Variants in FHIP1A observed in about 807,000 individuals in gnomAD.
FHIP1A encodes the protein FHF complex subunit HOOK interacting protein 1A.
FHIP1A carries 61 observed loss-of-function variants against 88.6 expected under a neutral mutation model. That is an observed-to-expected ratio of 0.69 (90% confidence interval 0.56 to 0.85). FHIP1A has a LOEUF of 0.85. Ranked by LOEUF, FHIP1A falls within the 40% of genes least tolerant of loss-of-function variation. FHIP1A has a pLI of 0.00. For synonymous variants in FHIP1A, 478 were observed against 496.0 expected, an observed-to-expected ratio of 0.96 and a Z score of 0.48; for missense variants, 1,154 against 1,273.5, an observed-to-expected ratio of 0.91 and a Z score of 1.43.
At chr4:151,549,205 C>A (rs1732626125) in intron 3 of FHIP1A, among the ~76,000 whole-genome samples, 1 of 152,018 alleles carries the variant, frequency 6.6e-6, no homozygotes, top group Admixed American at 6.6e-5. Context: ...AGCAGGTAAT[C>A]AGGGGAACAG....
intron 8 of FHIP1A, 99 bp from the exon 9 acceptor site, chr4:151,638,578 A>AAT: frequency 1.6e-6 from 1 of 631,952 alleles, no homozygotes; most frequent in Non-Finnish European, 2.6e-6. Flanking sequence ...AAAAAAAAAA[A>AAT]GGCCATTATA....
chr4:151,429,978 T>C (rs1733534654), intron 1 of FHIP1A, among the ~76,000 whole-genome samples: 1 of 152,064 alleles, frequency 6.6e-6, no homozygotes. Context: ...TTCAAAGGAA[T>C]GTTATATGCA....
intron 1 of FHIP1A, among the ~76,000 whole-genome samples, chr4:151,438,334 C>A (rs1162699222): frequency 6.6e-6 from 1 of 152,124 alleles, no homozygotes; most frequent in Admixed American, 6.6e-5. Context: ...CTGGTTCGGG[C>A]ACCATGGCCT....
At chr4:151,589,979 T>C (rs769271816) in intron 7 of FHIP1A, among the ~76,000 whole-genome samples, 2 of 152,220 alleles carry the variant, frequency 1.3e-5, no homozygotes, top group Non-Finnish European at 2.9e-5. Context: ...TTTAGTAGTT[T>C]ATGGGCACAA....
intron 3 of FHIP1A, among the ~76,000 whole-genome samples, chr4:151,500,211 T>C (rs1730600403): frequency 6.6e-6 from 1 of 151,800 alleles, no homozygotes; most frequent in Non-Finnish European, 1.5e-5. Context: ...AAAATTTGGG[T>C]GGTAAAGGAA....
At chr4:151,591,226 A>G (rs1734414791) in intron 7 of FHIP1A, among the ~76,000 whole-genome samples, 1 of 151,964 alleles carries the variant, frequency 6.6e-6, no homozygotes, top group African/African-American at 2.4e-5. Context: ...GAGTGGCAGG[A>G]CAGGAAATCA....
rs148844132 is a variant in FHIP1A at position 151,415,550 on chromosome 4, A to G, written c.-356+6085A>G. On this transcript the variant is annotated intron_variant, in intron 1 of 13. Coordinates refer to ENST00000435205, the MANE Select transcript of FHIP1A (RefSeq NM_001109977.3). ...TTTTCCATTTTTCTATATTAAGAAC[A>G]GTGCTTCAGAGAACATCCTTGAAAG... is the stretch of plus-strand genomic sequence containing the variant. Among the ~76,000 whole-genome samples the G allele has an allele frequency of 4.5e-3, 683 of 152,332 alleles. 8 individuals are homozygous for G. The highest frequency in any genetic ancestry group is 0.015 in the African/African-American group (617 of 41,578).
In FHIP1A at chr4:151,662,678, A is replaced by T; in HGVS notation, c.3047A>T (p.Glu1016Val). The T allele has an allele frequency of 1.3e-6, 2 of 1,549,728 alleles. No individual in the cohort carries two copies. Among genetic ancestry groups the T allele is most frequent in the East Asian group, 2.4e-5 (1 of 40,832 alleles). The change falls in exon 14 of 14, where the codon GAG becomes GTG. Residue 1016 changes from glutamate (E) to valine (V), a missense_variant. Coordinates refer to ENST00000435205, the MANE Select transcript of FHIP1A (RefSeq NM_001109977.3). ...GCCCTCTTCCCAGAGTTCCTGAAGG[A>T]GCTGGCGGCCTTGGCCCAGGAACAC... ...AAALFPEFLKELAALAQEHSI... is the reference protein window; with the variant it reads ...AAALFPEFLKVLAALAQEHSI...
At chr4:151,541,949 C>T (rs1328404637) in intron 3 of FHIP1A, among the ~76,000 whole-genome samples, 1 of 152,104 alleles carries the variant, frequency 6.6e-6, no homozygotes, top group Non-Finnish European at 1.5e-5. Flanking sequence ...AAAAGGGGTC[C>T]CTGGAGAATC....
intron 10 of FHIP1A, 123 bp downstream of exon 10, chr4:151,646,871 T>A (rs991394567): frequency 4.6e-6 from 3 of 646,762 alleles, no homozygotes; most frequent in Non-Finnish European, 7.9e-6. Context: ...TATGAATGAC[T>A]AGTTAGGATC....
intron 3 of FHIP1A, among the ~76,000 whole-genome samples, chr4:151,521,558 A>G (rs963265591): frequency 6.6e-6 from 1 of 152,300 alleles, no homozygotes; most frequent in East Asian, 1.9e-4. Flanking sequence ...ACAAAGACCA[A>G]GGACTATACC....
intron 3 of FHIP1A, among the ~76,000 whole-genome samples, chr4:151,517,729 A>C (rs1377916221): frequency 6.6e-6 from 1 of 152,092 alleles, no homozygotes; most frequent in Non-Finnish European, 1.5e-5. Flanking sequence ...GATGATTCTG[A>C]CCATGTGCAA....
At chr4:151,569,916 A>G (rs562679081) in intron 4 of FHIP1A, among the ~76,000 whole-genome samples, 1 of 152,326 alleles carries the variant, frequency 6.6e-6, no homozygotes, top group East Asian at 1.9e-4. Flanking sequence ...GAATCATTCT[A>G]GAGTAGACTT....
In FHIP1A at chr4:151,650,136, A is replaced by G; in HGVS notation, c.2095A>G (p.Arg699Gly). Residue 699 changes from arginine to glycine, a missense_variant, in exon 11 of 14, where the codon AGG becomes GGG. Transcript: ENST00000435205. ...PETDSEEEWN[R>G]DNSDPFHSEP... ...GACAGATTCAGAGGAGGAGTGGAAT[A>G]GGGACAATTCAGACCCGTTTCACAG... 1 of 1,551,712 alleles carries G rather than the reference A, an allele frequency of 6.4e-7. No homozygotes were observed. The highest frequency in any genetic ancestry group is 1.4e-5 in the African/African-American group (1 of 73,168).
intron 5 of FHIP1A, among the ~76,000 whole-genome samples, chr4:151,583,639 C>T (rs28608620): frequency 0.32 from 48,517 of 152,038 alleles, 7,777 homozygotes; most frequent in Non-Finnish European, 0.33. Context: ...TGAATTCATC[C>T]TCAGAGCCTC....
chr4:151,495,231 G>A (rs973171804), intron 3 of FHIP1A, among the ~76,000 whole-genome samples: 21 of 152,194 alleles, frequency 1.4e-4, no homozygotes, highest in Admixed American at 2.6e-4. Flanking sequence ...GGCCGAGTGT[G>A]GTGGCTCACC....
At position 151,458,767 on chromosome 4, in the gene FHIP1A, G is replaced by A. The variant is rs114888598; in HGVS notation, c.-248+3959G>A. On this transcript the variant is annotated intron_variant, in intron 2 of 13. Transcript: ENST00000435205. ...AAAACTGAATGGGGTTTTAGTCTGGGCGCAAGGGACTGTCTTTTGTTTGGC... is the reference window on the plus strand; with the variant it reads ...AAAACTGAATGGGGTTTTAGTCTGGACGCAAGGGACTGTCTTTTGTTTGGC... 2.6e-3 allele frequency among the ~76,000 whole-genome samples: 395 copies of A among 152,194 alleles called. 1 individual carries two copies. The highest frequency in any genetic ancestry group is 9.1e-3 in the African/African-American group (378 of 41,518).
At chr4:151,646,154 G>A (rs1315586630) in intron 9 of FHIP1A, among the ~76,000 whole-genome samples, 1 of 152,206 alleles carries the variant, frequency 6.6e-6, no homozygotes. Flanking sequence ...AGGCCCATGA[G>A]CATAGTGGAG....
intron 3 of FHIP1A, among the ~76,000 whole-genome samples, chr4:151,563,836 A>G (rs1239212357): frequency 6.6e-6 from 1 of 152,050 alleles, no homozygotes; most frequent in East Asian, 1.9e-4. Flanking sequence ...CAAAAAATAA[A>G]AAAAAAATTG....
Sources: allele counts gnomAD v4.1 joint callset (sites outside exome capture counted in the v4.1 genomes callset), GRCh38; gene constraint gnomAD v4.1.1; transcripts MANE v1.5; gene names NCBI Gene and HGNC (gene_info 2026-07-23, HGNC 2026-07-21).